The following EDIL3 variants were observed in gnomAD, a reference collection of about 807,000 sequenced individuals.
EDIL3 encodes the protein EGF like and discoidin domains 3, also known as EGF-like repeat and discoidin I-like domain-containing protein 3.
In EDIL3, 37 loss-of-function variants were observed where a neutral mutation model predicts 67.4. The ratio of observed to expected loss-of-function variants is 0.55; its 90% confidence interval spans 0.42 to 0.72. The LOEUF is 0.72. EDIL3 is among the 30% of genes least tolerant of loss of function. EDIL3 has a pLI of 0.00. For missense variants in EDIL3, 527 were observed against 586.3 expected, an observed-to-expected ratio of 0.90 and a Z score of 1.04; for synonymous variants, 195 against 196.3, an observed-to-expected ratio of 0.99 and a Z score of 0.05.
chr5:84,114,455 A>G (rs1249744738), intron 5 of EDIL3, among the ~76,000 whole-genome samples: 1 of 152,134 alleles, frequency 6.6e-6, no homozygotes, highest in Non-Finnish European at 1.5e-5. Context: ...ATTCCTGCAG[A>G]GCACCCCCTG....
chr5:84,367,735 A>T (rs1016275040), intron 1 of EDIL3, among the ~76,000 whole-genome samples: 6 of 152,170 alleles, frequency 3.9e-5, no homozygotes, highest in African/African-American at 1.4e-4. Flanking sequence ...GTGAGCCGAG[A>T]TGGCTCCAGT....
chr5:83,987,148 C>T (rs1369259133), intron 9 of EDIL3, among the ~76,000 whole-genome samples: 1 of 152,108 alleles, frequency 6.6e-6, no homozygotes, highest in Non-Finnish European at 1.5e-5. Flanking sequence ...CCAGGCCTTC[C>T]CTCTAGCACC....
chr5:84,227,770 T>C (rs546652651), intron 3 of EDIL3, among the ~76,000 whole-genome samples: 39 of 152,212 alleles, frequency 2.6e-4, no homozygotes, highest in South Asian at 2.1e-3. Context: ...TATATGCCTC[T>C]TAGCAACATG....
intron 3 of EDIL3, among the ~76,000 whole-genome samples, chr5:84,228,117 G>A (rs1744489245): frequency 6.6e-6 from 1 of 151,976 alleles, no homozygotes; most frequent in African/African-American, 2.4e-5. Context: ...GAATAGTGGA[G>A]TGTTCAATAG....
intron 9 of EDIL3, among the ~76,000 whole-genome samples, chr5:84,039,466 G>A (rs887181105): frequency 5.9e-5 from 9 of 152,124 alleles, no homozygotes; most frequent in African/African-American, 1.9e-4. Flanking sequence ...AAGCATATTT[G>A]CTTGAAAGTT....
intron 6 of EDIL3, among the ~76,000 whole-genome samples, chr5:84,099,168 A>T (rs2112275806): frequency 6.6e-6 from 1 of 152,354 alleles, no homozygotes. Context: ...AAAAATGGCC[A>T]TACTGTCCAA....
chr5:84,166,616 A>G lies in EDIL3; in HGVS notation c.355+13777T>C, dbSNP rs560485874. ...GATGCTTACTCTCTAAAGAGAAGAA[A>G]AATATTAAAACATAAATATAAAATG... On this transcript the variant is annotated intron_variant, in intron 4 of 10. Coordinates refer to ENST00000296591, the MANE Select transcript of EDIL3 (RefSeq NM_005711.5). 3.3e-5 allele frequency among the ~76,000 whole-genome samples: 5 copies of G among 152,310 alleles called. No individual in the cohort carries two copies. In the South Asian group the frequency reaches 1.0e-3, roughly 32 times the overall value.
At chr5:84,356,879 A>ATC (rs1554043991) in intron 1 of EDIL3, among the ~76,000 whole-genome samples, 2 of 105,022 alleles carry the variant, frequency 1.9e-5, no homozygotes, top group African/African-American at 6.7e-5. Flanking sequence ...TGAGAAAACA[A>ATC]TCTTTCTTTC....
chr5:84,304,895 A>G (rs564851132), intron 1 of EDIL3, among the ~76,000 whole-genome samples: 57 of 152,358 alleles, frequency 3.7e-4, no homozygotes, highest in African/African-American at 1.3e-3. Flanking sequence ...TTGGAAATAT[A>G]TAAAAAGCAA....
At chr5:84,209,907 C>G (rs976864681) in intron 3 of EDIL3, among the ~76,000 whole-genome samples, 2 of 152,150 alleles carry the variant, frequency 1.3e-5, no homozygotes, top group Non-Finnish European at 2.9e-5. Context: ...GGGGTCATTT[C>G]TATATCACAC....
At chr5:84,050,044 A>G (rs889458240) in intron 9 of EDIL3, among the ~76,000 whole-genome samples, 1 of 151,874 alleles carries the variant, frequency 6.6e-6, no homozygotes, top group Non-Finnish European at 1.5e-5. Flanking sequence ...CTAAAAATAC[A>G]AAAATTAGCC....
Position 83,963,345 on chromosome 5 carries a change from G to C in EDIL3, c.1153C>G (p.Pro385Ala), listed in dbSNP as rs1478170088. 1 of 1,600,734 alleles carries C rather than the reference G, an allele frequency of 6.2e-7. No individual in the cohort carries two copies. Among genetic ancestry groups the C allele is most frequent in the Non-Finnish European group, 8.5e-7 (1 of 1,174,718 alleles). ...GTAATGATGCCAGTCACTTTGGTTG[G>C]AACAAGAAGATCCACCTTAAAAAAA... The part of the protein sequence containing the change: ...SQWLQVDLLV[P>A]TKVTGIITQG... Residue 385 changes from proline (P) to alanine (A), a missense_variant, in exon 10 of 11, where the codon CCA becomes GCA. By Grantham distance (27) the Pro-to-Ala change is conservative. Around this residue, in one of 2 missense-constraint regions of EDIL3, gnomAD observed 494 missense variants for 522.5 expected, o/e 0.95. Coordinates refer to ENST00000296591, the MANE Select transcript of EDIL3 (RefSeq NM_005711.5).
chr5:84,070,049 T>C (rs759338642), intron 6 of EDIL3, among the ~76,000 whole-genome samples: 2 of 151,840 alleles, frequency 1.3e-5, no homozygotes, highest in Admixed American at 6.6e-5. Context: ...GCCAGGACAG[T>C]TGGAGGAGAG....
At chr5:84,341,776 G>T (rs1747122087) in intron 1 of EDIL3, among the ~76,000 whole-genome samples, 1 of 151,904 alleles carries the variant, frequency 6.6e-6, no homozygotes, top group Non-Finnish European at 1.5e-5. Flanking sequence ...TGTGCCACTG[G>T]TCCAGTCAAA....
chr5:84,126,188 A>C (rs922072347), intron 5 of EDIL3, among the ~76,000 whole-genome samples: 1 of 152,110 alleles, frequency 6.6e-6, no homozygotes, highest in Non-Finnish European at 1.5e-5. Context: ...GTTTTTATAC[A>C]TGGAGCTAGA....
At chr5:84,356,651 A>G (rs1747488104) in intron 1 of EDIL3, among the ~76,000 whole-genome samples, 2 of 152,160 alleles carry the variant, frequency 1.3e-5, no homozygotes, top group African/African-American at 4.8e-5. Context: ...TCATATCTAC[A>G]CAGTCCCTTT....
chr5:84,088,309 G>A (rs1747107343), intron 6 of EDIL3, among the ~76,000 whole-genome samples: 1 of 152,080 alleles, frequency 6.6e-6, no homozygotes, highest in South Asian at 2.1e-4. Context: ...TCCAAATCCA[G>A]GCTAATGCAT....
intron 9 of EDIL3, among the ~76,000 whole-genome samples, chr5:83,975,662 A>G (rs919902789): frequency 2.6e-5 from 4 of 151,924 alleles, no homozygotes; most frequent in African/African-American, 9.7e-5. Flanking sequence ...CAGGAAATAG[A>G]TGTATAATTC....
intron 1 of EDIL3, among the ~76,000 whole-genome samples, chr5:84,371,049 C>CCA (rs1375239617): frequency 2.0e-5 from 3 of 151,778 alleles, no homozygotes; most frequent in African/African-American, 7.3e-5. Flanking sequence ...ATCAAGCTTA[C>CCA]AGTCTATTGG....
Sources: allele counts gnomAD v4.1 joint callset (sites outside exome capture counted in the v4.1 genomes callset), GRCh38; gene constraint gnomAD v4.1.1; regional missense constraint gnomAD v4.1.1; transcripts MANE v1.5; gene names NCBI Gene and HGNC (gene_info 2026-07-23, HGNC 2026-07-21).